The following ZNF366 variants were observed in gnomAD, a reference collection of about 807,000 sequenced individuals.
ZNF366 encodes zinc finger protein 366.
ZNF366 carries 20 observed loss-of-function variants against 47.2 expected under a neutral mutation model. That is an observed-to-expected ratio of 0.42 (90% CI 0.30 to 0.62). ZNF366 has a LOEUF of 0.62. ZNF366 is among the 20% of genes least tolerant of loss of function. The pLI, the probability that ZNF366 is intolerant of heterozygous loss-of-function variation, is 0.16. For missense variants in ZNF366, 987 were observed against 976.3 expected (o/e 1.01, Z -0.15); for synonymous variants, 421 against 395.1 (o/e 1.07, Z -0.78).
chr5:72,455,231 C>T (rs1743154981), intron 3 of ZNF366, among the ~76,000 whole-genome samples: 1 of 152,166 alleles, frequency 6.6e-6, no homozygotes, highest in South Asian at 2.1e-4. Flanking sequence ...GCTCTGGTGT[C>T]TGACCCCTCA....
At chr5:72,483,663 A>C (rs938818040) in intron 1 of ZNF366, among the ~76,000 whole-genome samples, 20 of 152,196 alleles carry the variant, frequency 1.3e-4, no homozygotes, top group African/African-American at 4.8e-4. Context: ...CTTGAATCAC[A>C]GGGGAGACAG....
intron 3 of ZNF366, among the ~76,000 whole-genome samples, chr5:72,454,607 G>C (rs1188259648): frequency 6.6e-6 from 1 of 152,198 alleles, no homozygotes; most frequent in African/African-American, 2.4e-5. Flanking sequence ...TATAAACTAT[G>C]TTAATGGCTC....
At chr5:72,494,488 C>T (rs978173331) in intron 1 of ZNF366, among the ~76,000 whole-genome samples, 3 of 152,124 alleles carry the variant, frequency 2.0e-5, no homozygotes, top group Non-Finnish European at 4.4e-5. Context: ...AGAGCAACCA[C>T]TAAACTGAAC....
chr5:72,441,511 T>A lies in ZNF366; in HGVS notation c.*2245A>T, dbSNP rs1223725191. ...CTTGTAACCACAGAAACCCACAGTC[T>A]TCTCTTCACAATCTCCGTTGCAGGT... On this transcript the variant is annotated 3_prime_UTR_variant, in exon 5 of 5. Transcript: ENST00000318442. 6.6e-6 allele frequency: 1 copy of A among 152,408 alleles called. No individual in the cohort carries two copies. Among genetic ancestry groups the A allele is most frequent in the East Asian group, 1.9e-4 (1 of 5,190 alleles). The allele number at this position is 152,408 out of a possible 1,614,324, so 9.4% of individuals were successfully genotyped here.
intron 1 of ZNF366, among the ~76,000 whole-genome samples, chr5:72,504,098 C>T (rs541598341): frequency 5.4e-4 from 82 of 152,122 alleles, no homozygotes; most frequent in Non-Finnish European, 7.5e-4. Context: ...CGCACACACG[C>T]GTGCATGCAC....
At chr5:72,492,252 C>T (rs1034226281) in intron 1 of ZNF366, among the ~76,000 whole-genome samples, 1 of 152,162 alleles carries the variant, frequency 6.6e-6, no homozygotes, top group South Asian at 2.1e-4. Flanking sequence ...CTTATTGTAA[C>T]TATGCCTAGA....
At position 72,460,652 on chromosome 5, in the gene ZNF366, G is replaced by A. The variant is rs751986340; in HGVS notation, c.845C>T (p.Ala282Val). 1.1e-5 allele frequency: 18 copies of A among 1,614,230 alleles called. No homozygotes were observed. The Middle Eastern group carries it at 8.2e-4, about 74-fold the overall frequency. ...ILGHSGIKPH[A>V]CTHCGKLFKQ... ...GAAGAGCTTCCCGCAGTGCGTGCAC[G>A]CGTGCGGCTTGATCCCACTGTGGCC... The change falls in exon 2 of 5, where the codon GCG becomes GTG. Residue 282 changes from alanine (A) to valine (V), a missense_variant. Around this residue, in one of 3 missense-constraint regions of ZNF366, gnomAD observed 591 missense variants for 560.9 expected, o/e 1.05. Coordinates refer to ENST00000318442, the MANE Select transcript of ZNF366 (RefSeq NM_152625.3).
chr5:72,500,569 G>T (rs1224962483), intron 1 of ZNF366, among the ~76,000 whole-genome samples: 1 of 152,184 alleles, frequency 6.6e-6, no homozygotes, highest in African/African-American at 2.4e-5. Flanking sequence ...CAGAAATCAT[G>T]CCTACTGTTG....
At chr5:72,447,914 C>T (rs539499401) in intron 3 of ZNF366, among the ~76,000 whole-genome samples, 21 of 152,226 alleles carry the variant, frequency 1.4e-4, no homozygotes, top group African/African-American at 5.1e-4. Flanking sequence ...GTCACTTGGC[C>T]GAGGCATACA....
At chr5:72,503,565 C>T (rs1202170507) in intron 1 of ZNF366, among the ~76,000 whole-genome samples, 1 of 150,782 alleles carries the variant, frequency 6.6e-6, no homozygotes, top group Middle Eastern at 3.4e-3. Flanking sequence ...ACGCACACCT[C>T]GAAAATTACT....
At chr5:72,465,397 G>A (rs1037038165) in intron 1 of ZNF366, among the ~76,000 whole-genome samples, 3 of 152,232 alleles carry the variant, frequency 2.0e-5, no homozygotes, top group Non-Finnish European at 2.9e-5. Context: ...AAAAGCAGGG[G>A]AAGGATGTCT....
intron 1 of ZNF366, among the ~76,000 whole-genome samples, chr5:72,506,606 C>A (rs1472918399): frequency 6.6e-6 from 1 of 152,234 alleles, no homozygotes; most frequent in Non-Finnish European, 1.5e-5. Context: ...TGCCTTCTAT[C>A]ATGTGGCAGA....
intron 3 of ZNF366, among the ~76,000 whole-genome samples, chr5:72,454,325 C>T (rs1469804500): frequency 6.6e-6 from 1 of 152,186 alleles, no homozygotes; most frequent in Non-Finnish European, 1.5e-5. Context: ...TTCCATAGCA[C>T]CTTGCAGTTT....
At position 72,461,345 on chromosome 5, in the gene ZNF366, G is replaced by A. The variant is rs148226205; in HGVS notation, c.152C>T (p.Pro51Leu). ...AGGTTCATACCGAAACTGGGAAAAT[G>A]GCCCTCGGAGAGCTTCCGGGAAGGG... Reference protein sequence around the residue: ...RHPFPEALRGPFSQFRYEPPP... With the variant: ...RHPFPEALRGLFSQFRYEPPP... Residue 51 changes from proline (P) to leucine (L), a missense_variant, in exon 2 of 5, where the codon CCA (proline) becomes CTA (leucine). Physicochemically the swap from Pro to Leu is moderately conservative, Grantham distance 98 (BLOSUM62 -3). This residue lies in a region of ZNF366 where 591 missense variants were observed against 560.9 expected (regional missense o/e 1.05). Coordinates refer to ENST00000318442, the MANE Select transcript of ZNF366 (RefSeq NM_152625.3). 3,450 of 1,614,098 alleles carry A rather than the reference G, an allele frequency of 2.1e-3. 9 individuals carry two copies. The highest frequency in any genetic ancestry group is 2.7e-3 in the Non-Finnish European group (3,213 of 1,179,998).
intron 1 of ZNF366, among the ~76,000 whole-genome samples, chr5:72,496,093 C>A (rs533609072): frequency 6.6e-6 from 1 of 151,928 alleles, no homozygotes; most frequent in Middle Eastern, 3.4e-3. Context: ...AAAGCTGCCT[C>A]ATTTTTTTTC....
chr5:72,497,160 A>G (rs934884493), intron 1 of ZNF366, among the ~76,000 whole-genome samples: 2 of 152,120 alleles, frequency 1.3e-5, no homozygotes, highest in Non-Finnish European at 2.9e-5. Flanking sequence ...AGTCTAATTT[A>G]TTAATGTTTT....
chr5:72,495,280 G>A (rs543743778), intron 1 of ZNF366, among the ~76,000 whole-genome samples: 26 of 152,238 alleles, frequency 1.7e-4, no homozygotes, highest in African/African-American at 2.9e-4. Flanking sequence ...GGGGCTAATC[G>A]TTTATTGAAT....
chr5:72,456,857 A>G (rs1410882668), intron 2 of ZNF366, among the ~76,000 whole-genome samples: 1 of 152,166 alleles, frequency 6.6e-6, no homozygotes, highest in African/African-American at 2.4e-5. Context: ...TTGTTGTTCC[A>G]GCTGCTGCTG....
intron 2 of ZNF366, among the ~76,000 whole-genome samples, chr5:72,457,448 G>A (rs535856209): frequency 2.0e-5 from 3 of 152,128 alleles, no homozygotes; most frequent in African/African-American, 7.2e-5. Context: ...AGAGAACCAG[G>A]GCACTAAACT....
Sources: allele counts gnomAD v4.1 joint callset (sites outside exome capture counted in the v4.1 genomes callset), GRCh38; gene constraint gnomAD v4.1.1; regional missense constraint gnomAD v4.1.1; transcripts MANE v1.5; gene names NCBI Gene and HGNC (gene_info 2026-07-23, HGNC 2026-07-21).